Variants in NF1 observed in about 807,000 individuals in gnomAD.
NF1 encodes neurofibromin 1.
A neutral mutation model predicts 325.7 loss-of-function variants in NF1; 122 were observed. The observed-to-expected ratio is 0.37, with a 90% CI of 0.32 to 0.44. The LOEUF is 0.44. Ranked by LOEUF, NF1 falls within the 20% of genes least tolerant of loss-of-function variation. NF1 has a pLI of 1.00. For missense variants in NF1, 2,140 were observed against 3,415.4 expected (o/e 0.63, Z 9.31); for synonymous variants, 1,091 against 1,186.0 (o/e 0.92, Z 1.65).
chr17:31,288,940 A>G (rs777954439), intron 36 of NF1, among the ~76,000 whole-genome samples: 4 of 152,218 alleles, frequency 2.6e-5, no homozygotes, highest in South Asian at 2.1e-4. Context: ...TTTGAAATAA[A>G]TGAAAGAAAC....
At chr17:31,152,245 G>T (rs1424356393) in intron 1 of NF1, among the ~76,000 whole-genome samples, 2 of 151,040 alleles carry the variant, frequency 1.3e-5, no homozygotes, top group African/African-American at 2.4e-5. Flanking sequence ...TCTTGTTCAC[G>T]GAAGTTCAAA....
At chr17:31,113,698 T>A (rs945925484) in intron 1 of NF1, among the ~76,000 whole-genome samples, 1 of 152,066 alleles carries the variant, frequency 6.6e-6, no homozygotes, top group African/African-American at 2.4e-5. Flanking sequence ...CCTGGCTAAT[T>A]TTTGTAGAGA....
At chr17:31,227,640 T>C (rs2151427755) in intron 20 of NF1, 34 bp downstream of exon 20, 2 of 1,545,786 alleles carry the variant, frequency 1.3e-6, no homozygotes, top group African/African-American at 1.4e-5. Flanking sequence ...GTCTGTTAAC[T>C]GATCTGCTAA....
chr17:31,096,173 T>C (rs1232667950), intron 1 of NF1, among the ~76,000 whole-genome samples: 4 of 142,618 alleles, frequency 2.8e-5, no homozygotes, highest in Admixed American at 2.1e-4. Context: ...GAGGATGTGA[T>C]GCATTCTCGA....
At chr17:31,208,457 G>C (rs1255935446) in intron 12 of NF1, among the ~76,000 whole-genome samples, 1 of 152,164 alleles carries the variant, frequency 6.6e-6, no homozygotes, top group Non-Finnish European at 1.5e-5. Flanking sequence ...CAGATAACCA[G>C]TATGGAAGTA....
intron 1 of NF1, among the ~76,000 whole-genome samples, chr17:31,112,321 A>G (rs1913487655): frequency 6.6e-6 from 1 of 152,212 alleles, no homozygotes; most frequent in Non-Finnish European, 1.5e-5. Flanking sequence ...GTGGATGTAT[A>G]TAATAATGTT....
At chr17:31,133,972 T>C (rs1915582888) in intron 1 of NF1, among the ~76,000 whole-genome samples, 1 of 152,162 alleles carries the variant, frequency 6.6e-6, no homozygotes, top group Non-Finnish European at 1.5e-5. Context: ...TCATGTCTCT[T>C]TTTGATAGTA....
At chr17:31,170,949 A>G (rs1230104274) in intron 5 of NF1, among the ~76,000 whole-genome samples, 1 of 152,206 alleles carries the variant, frequency 6.6e-6, no homozygotes, top group Non-Finnish European at 1.5e-5. Flanking sequence ...TTGTCAAACA[A>G]TAATATTTTT....
chr17:31,223,333 T>C (rs972499901), intron 15 of NF1, 111 bp from the exon 16 acceptor site: 25 of 1,301,548 alleles, frequency 1.9e-5, no homozygotes, highest in Non-Finnish European at 2.4e-5. Flanking sequence ...CAAGAAAAAC[T>C]AAGCTTCTCT....
intron 8 of NF1, among the ~76,000 whole-genome samples, chr17:31,196,320 C>T (rs562953399): frequency 6.6e-6 from 1 of 151,990 alleles, no homozygotes; most frequent in East Asian, 1.9e-4. Context: ...TTTCTTGAGG[C>T]AATGGCTTGG....
At chr17:31,342,261 G>A (rs905483226) in intron 47 of NF1, among the ~76,000 whole-genome samples, 1 of 152,178 alleles carries the variant, frequency 6.6e-6, no homozygotes, top group Admixed American at 6.5e-5. Context: ...TGGGACAGTG[G>A]TGGTCAGCGA....
intron 17 of NF1, among the ~76,000 whole-genome samples, chr17:31,225,603 G>T (rs538859694): frequency 1.3e-5 from 2 of 152,078 alleles, no homozygotes; most frequent in East Asian, 3.8e-4. Context: ...TATAGAATTC[G>T]TACCGGCTAA....
intron 4 of NF1, among the ~76,000 whole-genome samples, 171 bp from the exon 5 acceptor site, chr17:31,169,720 A>AT (rs540076802): frequency 8.6e-5 from 13 of 151,120 alleles, no homozygotes; most frequent in Non-Finnish European, 1.5e-4. Flanking sequence ...TAATTTTTGT[A>AT]TTTTTTTTAG....
At chr17:31,314,574 C>T (rs1189952489) in intron 36 of NF1, 2 of 152,142 alleles carry the variant, frequency 1.3e-5, no homozygotes, top group African/African-American at 4.8e-5. Context: ...AATGTTATTT[C>T]CTCATAATAT....
At chr17:31,270,074 C>A (rs1296070237) in intron 36 of NF1, among the ~76,000 whole-genome samples, 2 of 152,050 alleles carry the variant, frequency 1.3e-5, no homozygotes, top group African/African-American at 2.4e-5. Flanking sequence ...TTAAAAAGGC[C>A]CAGAAAGATG....
chr17:31,275,666 T>G (rs939699610), intron 36 of NF1, among the ~76,000 whole-genome samples: 3 of 152,196 alleles, frequency 2.0e-5, no homozygotes, highest in African/African-American at 7.2e-5. Context: ...TACTGTACTT[T>G]CCTCATTCAA....
chr17:31,284,560 C>T (rs1247250544), intron 36 of NF1, among the ~76,000 whole-genome samples: 1 of 152,078 alleles, frequency 6.6e-6, no homozygotes, highest in Non-Finnish European at 1.5e-5. Context: ...GCTGGGATTA[C>T]AGGCATGAGC....
At chr17:31,230,983 T>G in intron 24 of NF1, 58 bp downstream of exon 24, 1 of 1,256,764 alleles carries the variant, frequency 8.0e-7, no homozygotes, top group Admixed American at 1.8e-5. Flanking sequence ...TTATAACTAC[T>G]TAATTACAGC....
At chr17:31,218,931 T>A in intron 13 of NF1, 74 bp from the exon 14 acceptor site, 6 of 1,418,788 alleles carry the variant, frequency 4.2e-6, no homozygotes, top group Non-Finnish European at 5.8e-6. Context: ...GCAGTCACTG[T>A]CTATTTCTTC....
Sources: gnomAD v4.1 joint callset for allele counts (sites outside exome capture counted in the v4.1 genomes callset) on GRCh38, gnomAD v4.1.1 for gene constraint, MANE v1.5 for transcripts, NCBI Gene and HGNC (gene_info 2026-07-23, HGNC 2026-07-21) for gene names.